Variants in KIF11 observed in about 807,000 individuals in gnomAD.
KIF11 encodes kinesin-like protein KIF11.
KIF11 carries 9 observed loss-of-function variants against 121.0 expected under a neutral mutation model. The observed-to-expected ratio is 0.07, with a 90% CI of 0.04 to 0.13. KIF11 has a LOEUF of 0.13. Among genes scored for constraint, KIF11 ranks in the 10% least tolerant of loss-of-function variants. The probability of loss-of-function intolerance (pLI) is 1.00; values close to 1 mark genes in which losing one functional copy is unlikely to be tolerated. For synonymous variants in KIF11, 408 were observed against 421.0 expected (o/e 0.97, Z 0.38); for missense variants, 846 against 1,217.5 (o/e 0.69, Z 4.54).
intron 14 of KIF11, among the ~76,000 whole-genome samples, chr10:92,634,959 A>G (rs1054296005): frequency 6.6e-6 from 1 of 152,252 alleles, no homozygotes; most frequent in African/African-American, 2.4e-5. Context: ...CTTCTGGGCC[A>G]TAACTATAAA....
intron 19 of KIF11, among the ~76,000 whole-genome samples, chr10:92,649,120 CTT>C (rs11285704): frequency 7.7e-4 from 111 of 144,684 alleles, no homozygotes; most frequent in African/African-American, 2.7e-3. Flanking sequence ...TCACAAAACT[CTT>C]TTTTTTTTTT....
At chr10:92,650,040 T>C in intron 20 of KIF11, 54 bp downstream of exon 20, 4 of 1,399,812 alleles carry the variant, frequency 2.9e-6, no homozygotes, top group East Asian at 2.4e-5. Flanking sequence ...ACTCTTGATG[T>C]GGCTGACTTC....
intron 1 of KIF11, among the ~76,000 whole-genome samples, chr10:92,599,627 T>C (rs115998322): frequency 1.3e-5 from 2 of 151,416 alleles, no homozygotes; most frequent in African/African-American, 2.4e-5. Flanking sequence ...CAGTTTTTTT[T>C]TGTGTGTGTG....
At chr10:92,615,049 G>T (rs1004221273) in intron 8 of KIF11, among the ~76,000 whole-genome samples, 4 of 151,940 alleles carry the variant, frequency 2.6e-5, no homozygotes, top group Non-Finnish European at 2.9e-5. Flanking sequence ...TCCTACCTCA[G>T]CCTCCCAAAA....
chr10:92,614,397 G>A (rs536330516), intron 8 of KIF11, among the ~76,000 whole-genome samples: 1 of 152,218 alleles, frequency 6.6e-6, no homozygotes, highest in Non-Finnish European at 1.5e-5. Context: ...ACTCAGCCTA[G>A]CTTCGTTCAT....
Position 92,649,985 on chromosome 10 carries a change from C to A in KIF11, c.2921C>A (p.Pro974Gln). Residue 974 changes from proline (P) to glutamine (Q), a missense_variant and splice_region_variant, in exon 20 of 22, where the codon CCG becomes CAG. Physicochemically the swap from Pro to Gln is moderately conservative, Grantham distance 76. This residue lies in a region of KIF11 where 492 missense variants were observed against 603.4 expected (regional missense o/e 0.82). Coordinates refer to ENST00000260731, the MANE Select transcript of KIF11 (RefSeq NM_004523.4). The part of the protein sequence containing the change: ...CSENNKEETI[P>Q]DVDVEEAVLG... Reference sequence around the variant, plus strand: ...GAAAACAACAAAGAAGAGACAATTCCGGTAAATTTAAAGGATCATATTTTA... The same window carrying A: ...GAAAACAACAAAGAAGAGACAATTCAGGTAAATTTAAAGGATCATATTTTA... 2 of 1,603,984 alleles carry A rather than the reference C, an allele frequency of 1.2e-6. No homozygotes were observed. Among genetic ancestry groups the A allele is most frequent in the Non-Finnish European group, 1.7e-6 (2 of 1,172,368 alleles).
Position 92,650,449 on chromosome 10 carries a change from C to G in KIF11, c.2971C>G (p.Leu991Val), listed in dbSNP as rs1267905506. 6.2e-7 allele frequency: 1 copy of G among 1,613,872 alleles called. No individual in the cohort carries two copies. The highest frequency in any genetic ancestry group is 8.5e-7 in the Non-Finnish European group (1 of 1,179,790). The change falls in exon 21 of 22, where the codon CTA becomes GTA. Residue 991 changes from leucine to valine, a missense_variant. Around this residue, in one of 5 missense-constraint regions of KIF11, gnomAD observed 492 missense variants for 603.4 expected, o/e 0.82. Coordinates refer to ENST00000260731, the MANE Select transcript of KIF11 (RefSeq NM_004523.4). The stretch of plus-strand genomic sequence containing the variant: ...TCTGGGGCAGTATACTGAAGAACCT[C>G]TAAGTCAAGAGCCATCTGTAGATGC... The part of the protein sequence containing the change: ...AVLGQYTEEP[L>V]SQEPSVDAGV...
intron 1 of KIF11, among the ~76,000 whole-genome samples, chr10:92,599,180 T>C (rs1221488477): frequency 6.6e-6 from 1 of 152,124 alleles, no homozygotes; most frequent in Non-Finnish European, 1.5e-5. Context: ...ATTGAGTTGT[T>C]TTTGTAATTT....
intron 6 of KIF11, among the ~76,000 whole-genome samples, chr10:92,611,510 A>G (rs1844496022): frequency 6.6e-6 from 1 of 151,980 alleles, no homozygotes; most frequent in East Asian, 1.9e-4. Flanking sequence ...CCCGGTGGAG[A>G]TGAATATTAT....
intron 1 of KIF11, chr10:92,597,122 T>G (rs1844305089): frequency 3.4e-6 from 1 of 292,756 alleles, no homozygotes; most frequent in East Asian, 9.0e-5. Context: ...TTTCTTCTGC[T>G]TTGGCCCTTT....
intron 13 of KIF11, 71 bp from the exon 14 acceptor site, chr10:92,633,552 T>C (rs1355432942): frequency 8.8e-7 from 1 of 1,131,838 alleles, no homozygotes; most frequent in African/African-American, 1.6e-5. Flanking sequence ...GTCAACTTCT[T>C]TGAAATGGTT....
Position 92,628,491 on chromosome 10 carries a change from C to T in KIF11, c.1218-317C>T, listed in dbSNP as rs117278284. On this transcript the variant is annotated intron_variant, in intron 10 of 21. Coordinates refer to ENST00000260731, the MANE Select transcript of KIF11 (RefSeq NM_004523.4). ...CCTCTCTCTACTTTGAGTTATAGTC[C>T]GTCCTCTGTTAGCTTTCTAGCTTCT... Among the ~76,000 whole-genome samples the T allele has an allele frequency of 4.4e-4, 67 of 152,270 alleles. No homozygotes were observed. In the East Asian group the frequency reaches 0.012, roughly 27 times the overall value.
intron 1 of KIF11, among the ~76,000 whole-genome samples, chr10:92,596,308 T>C (rs569616269): frequency 4.6e-5 from 7 of 152,332 alleles, no homozygotes; most frequent in African/African-American, 1.4e-4. Context: ...CGGCCTTGAG[T>C]TACTTCTTAC....
chr10:92,605,731 C>T (rs1844423832), intron 1 of KIF11, among the ~76,000 whole-genome samples: 1 of 152,192 alleles, frequency 6.6e-6, no homozygotes. Flanking sequence ...GGTGATCCGC[C>T]TGCCTCGGCC....
chr10:92,646,825 CATCT>C lies in KIF11; in HGVS notation c.2547+1184_2547+1187del, dbSNP rs900953428. On this transcript the variant is annotated intron_variant, in intron 18 of 21. Transcript: ENST00000260731. ...AAAGAAGAAGAAAAAATTTAGCATC[CATCT>C]GTCTTTCCTAAAAGAACCATATCTT... 3.9e-5 allele frequency among the ~76,000 whole-genome samples: 6 copies of C among 152,256 alleles called. No individual in the cohort carries two copies. The East Asian group carries it at 5.8e-4, about 15-fold the overall frequency.
At chr10:92,643,609 T>A (rs182850846) in intron 17 of KIF11, among the ~76,000 whole-genome samples, 1 of 147,234 alleles carries the variant, frequency 6.8e-6, no homozygotes, top group African/African-American at 2.6e-5. Context: ...CAGGCTGGAG[T>A]GCAGTGGTGC....
chr10:92,653,951 A>G lies in KIF11; in HGVS notation c.*155A>G. Reference sequence around the variant, plus strand: ...GTAATCCCAGCACTTTGGGAGGCTGAGGCGGGTGGATTGCTTGAGCCCAGG... The same window carrying G: ...GTAATCCCAGCACTTTGGGAGGCTGGGGCGGGTGGATTGCTTGAGCCCAGG... On this transcript the variant is annotated 3_prime_UTR_variant, in exon 22 of 22. Coordinates refer to ENST00000260731, the MANE Select transcript of KIF11 (RefSeq NM_004523.4). The G allele has an allele frequency of 1.9e-6, 1 of 537,424 alleles. No individual in the cohort carries two copies. Among genetic ancestry groups the G allele is most frequent in the Non-Finnish European group, 3.1e-6 (1 of 319,302 alleles). 33.3% of individuals were successfully genotyped at this position (537,424 alleles called of 1,614,324 possible).
chr10:92,620,078 C>CTTTTT (rs1270524883), intron 9 of KIF11, among the ~76,000 whole-genome samples: 5 of 125,446 alleles, frequency 4.0e-5, no homozygotes, highest in African/African-American at 5.9e-5. Context: ...GGTTCTTTGT[C>CTTTTT]TTTTTTTTTT....
chr10:92,643,330 G>A (rs1209322660), intron 17 of KIF11, among the ~76,000 whole-genome samples: 1 of 151,936 alleles, frequency 6.6e-6, no homozygotes, highest in Non-Finnish European at 1.5e-5. Flanking sequence ...TACATTTTAA[G>A]ATAATTTGAA....
Sources: allele counts gnomAD v4.1 joint callset (sites outside exome capture counted in the v4.1 genomes callset), GRCh38; gene constraint gnomAD v4.1.1; regional missense constraint gnomAD v4.1.1; transcripts MANE v1.5; gene names NCBI Gene and HGNC (gene_info 2026-07-23, HGNC 2026-07-21).